The following XPNPEP3 variants were observed in gnomAD, a reference collection of about 807,000 sequenced individuals.
The protein encoded by XPNPEP3 is xaa-Pro aminopeptidase 3.
XPNPEP3 carries 41 observed loss-of-function variants against 60.0 expected under a neutral mutation model. That is an observed-to-expected ratio of 0.68 (90% CI 0.53 to 0.89). The LOEUF (loss-of-function observed/expected upper bound fraction) is 0.89. Among genes scored for constraint, XPNPEP3 ranks in the 40% least tolerant of loss-of-function variants. The pLI, the probability that XPNPEP3 is intolerant of heterozygous loss-of-function variation, is 0.00. For synonymous variants in XPNPEP3, 212 were observed against 223.2 expected, an observed-to-expected ratio of 0.95 and a Z score of 0.45; for missense variants, 598 against 638.9, an observed-to-expected ratio of 0.94 and a Z score of 0.69.
chr22:40,862,056 A>T lies in XPNPEP3; in HGVS notation c.64+4811A>T, dbSNP rs2057953281. The T allele has an allele frequency of 3.5e-5, 53 of 1,529,328 alleles. 1 individual carries two copies. In the South Asian group the frequency reaches 6.8e-4, roughly 20 times the overall value. The allele number at this position is 1,529,328 out of a possible 1,614,324, so 94.7% of individuals were successfully genotyped here. On this transcript the variant is annotated intron_variant, in intron 1 of 9. Transcript: ENST00000357137. ...TTGAGAACCGTGGTTTCCTCAGCTC[A>T]GGCTCTGCTGGTGGTGGTGATAGAG...
intron 1 of XPNPEP3, among the ~76,000 whole-genome samples, chr22:40,864,016 G>A (rs561983475): frequency 6.6e-6 from 1 of 152,284 alleles, no homozygotes; most frequent in African/African-American, 2.4e-5. Flanking sequence ...CTTGGATCTC[G>A]TGCAAGAAAG....
chr22:40,886,355 A>C lies in XPNPEP3; in HGVS notation c.632A>C (p.His211Pro). 6.2e-7 allele frequency: 1 copy of C among 1,614,130 alleles called. No individual in the cohort carries two copies. The highest frequency in any genetic ancestry group is 2.2e-5 in the East Asian group (1 of 44,874). Residue 211 changes from histidine to proline, a missense_variant, in exon 4 of 10, where the codon CAT becomes CCT. Transcript: ENST00000357137. The stretch of plus-strand genomic sequence containing the variant: ...TGGTATGACTGGATGAGGCCCTCAC[A>C]TGCACAGCTTCACTCTGACTATATG... ...MVWYDWMRPS[H>P]AQLHSDYMQP...
intron 1 of XPNPEP3, among the ~76,000 whole-genome samples, chr22:40,864,032 C>A (rs529586471): frequency 6.6e-6 from 1 of 152,182 alleles, no homozygotes; most frequent in Non-Finnish European, 1.5e-5. Context: ...GAAAGAATTT[C>A]AGTGGAATCC....
Position 40,913,199 on chromosome 22 carries a change from G to A in XPNPEP3, c.970-1040G>A, listed in dbSNP as rs142156246. 2.8e-4 allele frequency among the ~76,000 whole-genome samples: 42 copies of A among 151,974 alleles called. No homozygotes were observed. In the East Asian group the frequency reaches 7.0e-3, roughly 25 times the overall value. ...CAAAAGGGGAAGTGGGGCCTGGCGCGGTGGCTCATGCCTGTAATTCCAGCA... is the reference window on the plus strand; with the variant it reads ...CAAAAGGGGAAGTGGGGCCTGGCGCAGTGGCTCATGCCTGTAATTCCAGCA... On this transcript the variant is annotated intron_variant, in intron 6 of 9. Coordinates refer to ENST00000357137, the MANE Select transcript of XPNPEP3 (RefSeq NM_022098.4).
intron 1 of XPNPEP3, among the ~76,000 whole-genome samples, chr22:40,859,101 A>G (rs1460317287): frequency 6.6e-6 from 1 of 152,172 alleles, no homozygotes; most frequent in Admixed American, 6.5e-5. Flanking sequence ...AGTAATTTGC[A>G]AAATGTGTAA....
chr22:40,926,418 T>A lies in XPNPEP3; in HGVS notation c.1507T>A (p.Cys503Ser). The A allele has an allele frequency of 6.2e-7, 1 of 1,614,150 alleles. No individual in the cohort carries two copies. The stretch of plus-strand genomic sequence containing the variant: ...AGAGATGAATGACATTGAACAGATA[T>A]GCAGCCAGGCTTCTTGACCTTCACT... ...PKEMNDIEQI[C>S]SQAS The change falls in exon 10 of 10, where the codon TGC (cysteine) becomes AGC (serine). Residue 503 changes from cysteine to serine, a missense_variant. By Grantham distance (112) the Cys-to-Ser change is moderately radical. Transcript: ENST00000357137.
rs2058069445 is a variant in XPNPEP3, at chr22:40,886,526, T to C, written c.792+11T>C. Reference sequence around the variant, plus strand: ...AAGCTGACATCACAGGTATGATTCCTATTGAAAAGTTTTTTCCAGCCGGGC... The same window carrying C: ...AAGCTGACATCACAGGTATGATTCCCATTGAAAAGTTTTTTCCAGCCGGGC... On this transcript the variant is annotated intron_variant, in intron 4 of 9. Transcript: ENST00000357137. The C allele has an allele frequency of 1.2e-6, 2 of 1,613,082 alleles. No individual in the cohort carries two copies. The highest frequency in any genetic ancestry group is 2.7e-5 in the African/African-American group (2 of 74,884).
intron 7 of XPNPEP3, among the ~76,000 whole-genome samples, chr22:40,920,558 T>C (rs145397403): frequency 7.2e-5 from 11 of 152,288 alleles, no homozygotes; most frequent in African/African-American, 2.6e-4. Flanking sequence ...GTTTATGTAT[T>C]GTGGGTTACC....
At chr22:40,910,128 A>T (rs940727314) in intron 6 of XPNPEP3, among the ~76,000 whole-genome samples, 16 of 143,774 alleles carry the variant, frequency 1.1e-4, no homozygotes, top group South Asian at 1.1e-3. Flanking sequence ...CAGCATAATT[A>T]AAAAAAAAAA....
intron 1 of XPNPEP3, among the ~76,000 whole-genome samples, chr22:40,865,015 G>T (rs1292664940): frequency 1.3e-5 from 2 of 152,210 alleles, no homozygotes; most frequent in African/African-American, 4.8e-5. Context: ...ACTAATTTCA[G>T]TGGAGTGTAA....
At chr22:40,860,107 A>G (rs2057933156) in intron 1 of XPNPEP3, 2 of 152,272 alleles carry the variant, frequency 1.3e-5, no homozygotes, top group East Asian at 1.9e-4. Flanking sequence ...CTTTAGAGAC[A>G]GGGTCACACT....
At chr22:40,888,993 C>T (rs1024739541) in intron 4 of XPNPEP3, among the ~76,000 whole-genome samples, 15 of 151,926 alleles carry the variant, frequency 9.9e-5, no homozygotes, top group African/African-American at 2.9e-4. Context: ...TTATGTGCTT[C>T]CTGCCTTCCT....
At chr22:40,914,531 ATTTTTTTTTTTTTTT>A (rs560908648) in intron 7 of XPNPEP3, among the ~76,000 whole-genome samples, 11 of 67,604 alleles carry the variant, frequency 1.6e-4, no homozygotes, top group Non-Finnish European at 2.0e-4. Flanking sequence ...ACTAACAAAG[ATTTTTTTTTTTTTTT>A]TTTTTTTTTT....
At chr22:40,892,032 T>G (rs907785152) in intron 4 of XPNPEP3, among the ~76,000 whole-genome samples, 1 of 152,176 alleles carries the variant, frequency 6.6e-6, no homozygotes, top group Non-Finnish European at 1.5e-5. Flanking sequence ...TTTTGTTGGG[T>G]TGCTTTGGGC....
rs569853292 is a variant in XPNPEP3 at position 40,885,204 on chromosome 22, A to AT, written c.590-1103dup. The stretch of plus-strand genomic sequence containing the variant: ...TGCATATCCAATCAAAGTTTTCTGG[A>AT]TTTTTTCCCCTCTACTTTCCCCAAA... On this transcript the variant is annotated intron_variant, in intron 3 of 9. Transcript: ENST00000357137. Among the ~76,000 whole-genome samples, 25 of 152,050 alleles carry AT rather than the reference A, an allele frequency of 1.6e-4. 1 individual carries two copies. The highest frequency in any genetic ancestry group is 2.9e-4 in the Non-Finnish European group (20 of 68,004).
intron 4 of XPNPEP3, among the ~76,000 whole-genome samples, chr22:40,897,361 G>T (rs1040543498): frequency 1.3e-5 from 2 of 151,958 alleles, no homozygotes; most frequent in Non-Finnish European, 2.9e-5. Context: ...TGGACACTTG[G>T]GTTGTTTCCA....
In XPNPEP3 at chr22:40,857,252, C is replaced by T. The variant is rs781035936; in HGVS notation, c.64+7C>T. On this transcript the variant is annotated splice_region_variant and intron_variant, in intron 1 of 9. Coordinates refer to ENST00000357137, the MANE Select transcript of XPNPEP3 (RefSeq NM_022098.4). ...AACGTCCGCGGCCTCTCAGGTTAGACTCTTCTCCCACGGTCTCCTCCCATG... is the reference window on the plus strand; with the variant it reads ...AACGTCCGCGGCCTCTCAGGTTAGATTCTTCTCCCACGGTCTCCTCCCATG... 1.9e-6 allele frequency: 3 copies of T among 1,614,142 alleles called. No homozygotes were observed. Among genetic ancestry groups the T allele is most frequent in the South Asian group, 1.1e-5 (1 of 91,054 alleles).
intron 2 of XPNPEP3, among the ~76,000 whole-genome samples, chr22:40,878,293 C>T (rs138356): frequency 1.3e-5 from 2 of 151,676 alleles, no homozygotes; most frequent in Non-Finnish European, 2.9e-5. Context: ...TTAATGATCA[C>T]TCAATAGTGT....
At chr22:40,888,579 A>G (rs1355910540) in intron 4 of XPNPEP3, 1 of 180,558 alleles carries the variant, frequency 5.5e-6, no homozygotes, top group Non-Finnish European at 1.2e-5. Context: ...ATTCCATTGT[A>G]TGCGTATGCC....
Sources: gnomAD v4.1 joint callset for allele counts (sites outside exome capture counted in the v4.1 genomes callset) on GRCh38, gnomAD v4.1.1 for gene constraint, MANE v1.5 for transcripts, NCBI Gene and HGNC (gene_info 2026-07-23, HGNC 2026-07-21) for gene names.